AP3B1: variants seen among roughly 807,000 people sequenced by gnomAD.
AP3B1 encodes AP-3 complex subunit beta-1.
AP3B1 carries 61 observed loss-of-function variants against 132.5 expected under a neutral mutation model. The ratio of observed to expected loss-of-function variants is 0.46; its 90% CI spans 0.37 to 0.57. AP3B1 has a LOEUF of 0.57. AP3B1 is among the 20% of genes least tolerant of loss of function. The pLI is 0.00. For synonymous variants in AP3B1, 388 were observed against 438.3 expected, an observed-to-expected ratio of 0.89 and a Z score of 1.43; for missense variants, 1,120 against 1,289.4, an observed-to-expected ratio of 0.87 and a Z score of 2.01.
chr5:78,272,613 G>T (rs1246014004), intron 1 of AP3B1, among the ~76,000 whole-genome samples: 2 of 152,024 alleles, frequency 1.3e-5, no homozygotes, highest in African/African-American at 4.8e-5. Context: ...TAATAAATAA[G>T]ACATTTTTAA....
At chr5:78,216,647 G>T (rs917129903) in intron 6 of AP3B1, among the ~76,000 whole-genome samples, 4 of 152,110 alleles carry the variant, frequency 2.6e-5, no homozygotes, top group African/African-American at 9.7e-5. Flanking sequence ...CATTGTGTCA[G>T]TTTAAAATGA....
At chr5:78,059,886 G>A (rs906829019) in intron 22 of AP3B1, among the ~76,000 whole-genome samples, 3 of 152,120 alleles carry the variant, frequency 2.0e-5, no homozygotes, top group Admixed American at 6.5e-5. Context: ...ACATAAAGAA[G>A]CATTTTGCAT....
chr5:78,069,450 A>G (rs1749439478), intron 22 of AP3B1, among the ~76,000 whole-genome samples: 1 of 152,068 alleles, frequency 6.6e-6, no homozygotes, highest in Non-Finnish European at 1.5e-5. Context: ...ATTCCTATAC[A>G]CCAACAACAG....
chr5:78,242,053 A>G lies in AP3B1; in HGVS notation c.205-1117T>C, dbSNP rs533702160. Among the ~76,000 whole-genome samples the G allele has an allele frequency of 1.2e-4, 19 of 152,342 alleles. No individual in the cohort carries two copies. The South Asian group carries it at 1.9e-3, about 15-fold the overall frequency. On this transcript the variant is annotated intron_variant, in intron 2 of 26. Coordinates refer to ENST00000255194, the MANE Select transcript of AP3B1 (RefSeq NM_003664.5). ...AGTCTCCTCTTCCTATCCATAATGT[A>G]TATCACTGACAGTTTAATATGCTTA...
intron 15 of AP3B1, among the ~76,000 whole-genome samples, chr5:78,139,267 G>A (rs1223858158): frequency 6.6e-6 from 1 of 152,020 alleles, no homozygotes; most frequent in Non-Finnish European, 1.5e-5. Flanking sequence ...TATTTAGAGT[G>A]GCCAAACCAG....
At chr5:78,052,302 T>C (rs1200816591) in intron 22 of AP3B1, among the ~76,000 whole-genome samples, 8 of 152,110 alleles carry the variant, frequency 5.3e-5, no homozygotes. Flanking sequence ...GAACACATAA[T>C]GAACAAATAT....
At chr5:78,024,561 A>ATTTTT (rs70997962) in intron 24 of AP3B1, among the ~76,000 whole-genome samples, 8 of 113,472 alleles carry the variant, frequency 7.1e-5, no homozygotes, top group South Asian at 2.9e-4. Context: ...AGCTAATTTA[A>ATTTTT]TTTTTTTTTT....
At chr5:78,137,438 A>G (rs2112318600) in intron 15 of AP3B1, among the ~76,000 whole-genome samples, 1 of 152,146 alleles carries the variant, frequency 6.6e-6, no homozygotes, top group South Asian at 2.1e-4. Flanking sequence ...TTAACTTTCC[A>G]ATGTCTGTAG....
intron 15 of AP3B1, among the ~76,000 whole-genome samples, chr5:78,130,110 T>C (rs1179173389): frequency 6.6e-6 from 1 of 152,146 alleles, no homozygotes; most frequent in East Asian, 1.9e-4. Context: ...TTTTAATAAT[T>C]AAACCAAAAT....
intron 24 of AP3B1, among the ~76,000 whole-genome samples, chr5:78,034,156 G>A (rs960453900): frequency 1.3e-5 from 2 of 151,924 alleles, no homozygotes; most frequent in African/African-American, 4.8e-5. Context: ...AGGTTGTAAT[G>A]GCTAGGTGTG....
intron 7 of AP3B1, among the ~76,000 whole-genome samples, chr5:78,183,795 A>AGGCGGAGG (rs992226981): frequency 6.9e-6 from 1 of 145,836 alleles, no homozygotes; most frequent in Non-Finnish European, 1.5e-5. Flanking sequence ...TGAGCTCATG[A>AGGCGGAGG]GGCGGAGGTT....
At chr5:78,137,607 A>G (rs1752974448) in intron 15 of AP3B1, among the ~76,000 whole-genome samples, 1 of 152,192 alleles carries the variant, frequency 6.6e-6, no homozygotes, top group African/African-American at 2.4e-5. Context: ...TCTTCTAAGT[A>G]TGAATTTCCC....
chr5:78,153,768 T>G (rs181971050), intron 14 of AP3B1, among the ~76,000 whole-genome samples: 49 of 152,308 alleles, frequency 3.2e-4, no homozygotes, highest in Non-Finnish European at 6.3e-4. Flanking sequence ...AAATACTATC[T>G]TATTAATATA....
At chr5:78,253,494 G>A (rs1199768830) in intron 2 of AP3B1, among the ~76,000 whole-genome samples, 2 of 152,168 alleles carry the variant, frequency 1.3e-5, no homozygotes, top group African/African-American at 4.8e-5. Context: ...CCCAAAAACT[G>A]ATGAACATCT....
intron 22 of AP3B1, among the ~76,000 whole-genome samples, chr5:78,057,412 T>C (rs908023453): frequency 4.6e-5 from 7 of 152,180 alleles, no homozygotes; most frequent in African/African-American, 4.8e-5. Context: ...TGATAGACAG[T>C]AATCTTTGAA....
chr5:78,119,565 C>T (rs1293908595), intron 17 of AP3B1, among the ~76,000 whole-genome samples: 2 of 152,016 alleles, frequency 1.3e-5, no homozygotes, highest in Non-Finnish European at 2.9e-5. Flanking sequence ...GGAGCCGACG[C>T]GATCAACTGG....
At chr5:78,279,106 T>C (rs533272811) in intron 1 of AP3B1, among the ~76,000 whole-genome samples, 4 of 152,154 alleles carry the variant, frequency 2.6e-5, no homozygotes, top group Non-Finnish European at 4.4e-5. Context: ...GCAAGATACA[T>C]AGAGAATAGT....
chr5:78,230,370 C>A (rs1375275288), intron 3 of AP3B1, among the ~76,000 whole-genome samples: 1 of 151,928 alleles, frequency 6.6e-6, no homozygotes, highest in African/African-American at 2.4e-5. Context: ...ACATCTTCAT[C>A]ATTGATAAAT....
intron 19 of AP3B1, among the ~76,000 whole-genome samples, chr5:78,113,441 T>C (rs1477629552): frequency 6.6e-6 from 1 of 152,206 alleles, no homozygotes; most frequent in Admixed American, 6.5e-5. Context: ...ATTTTAGCCC[T>C]CAGCAAAATC....
Sources: allele counts gnomAD v4.1 joint callset (sites outside exome capture counted in the v4.1 genomes callset), GRCh38; gene constraint gnomAD v4.1.1; transcripts MANE v1.5; gene names NCBI Gene and HGNC (gene_info 2026-07-23, HGNC 2026-07-21).